PRKN: variants seen among roughly 807,000 people sequenced by gnomAD.
PRKN encodes the protein parkin RBR E3 ubiquitin protein ligase.
In PRKN, 56 loss-of-function variants were observed where a neutral mutation model predicts 59.5. That is an observed-to-expected ratio of 0.94 (90% CI 0.76 to 1.18). The LOEUF (loss-of-function observed/expected upper bound fraction) is 1.18. Ranked by LOEUF, PRKN falls within the 50% of genes most tolerant of loss-of-function variation. The pLI, the probability that PRKN is intolerant of heterozygous loss-of-function variation, is 0.00. For missense variants in PRKN, 657 were observed against 596.4 expected, an observed-to-expected ratio of 1.10 and a Z score of -1.06; for synonymous variants, 250 against 222.1, an observed-to-expected ratio of 1.13 and a Z score of -1.12.
At chr6:162,244,608 T>C (rs910621069) in intron 3 of PRKN, among the ~76,000 whole-genome samples, 1 of 151,982 alleles carries the variant, frequency 6.6e-6, no homozygotes, top group African/African-American at 2.4e-5. Flanking sequence ...CCATGGAAAG[T>C]AGACATCTCT....
intron 1 of PRKN, among the ~76,000 whole-genome samples, chr6:162,476,721 A>G (rs548881657): frequency 1.8e-4 from 28 of 152,278 alleles, no homozygotes; most frequent in African/African-American, 6.0e-4. Context: ...CAGCCACAAG[A>G]GTAACACTGA....
At chr6:162,338,226 T>C (rs954767595) in intron 2 of PRKN, among the ~76,000 whole-genome samples, 7 of 152,010 alleles carry the variant, frequency 4.6e-5, no homozygotes. Context: ...CTAAAAGAAG[T>C]AGTCTCTGAA....
rs538644758 is a variant in PRKN at position 161,556,911 on chromosome 6, T to G, written c.934-7908A>C. Reference sequence around the variant, plus strand: ...GTGTGTAGATATGCTAATATTTACATGTCAAACTATACTGACAGTTTTAAG... The same window carrying G: ...GTGTGTAGATATGCTAATATTTACAGGTCAAACTATACTGACAGTTTTAAG... On this transcript the variant is annotated intron_variant, in intron 8 of 11. Transcript: ENST00000366898. 2.6e-4 allele frequency among the ~76,000 whole-genome samples: 39 copies of G among 152,188 alleles called. No homozygotes were observed. In the South Asian group the frequency reaches 7.9e-3, roughly 31 times the overall value.
intron 6 of PRKN, among the ~76,000 whole-genome samples, chr6:161,877,025 T>G (rs1164260846): frequency 6.6e-6 from 1 of 152,154 alleles, no homozygotes; most frequent in African/African-American, 2.4e-5. Flanking sequence ...GAGCATCAGG[T>G]CCTTTTGATA....
chr6:161,936,663 A>G (rs1779368990), intron 6 of PRKN, among the ~76,000 whole-genome samples: 1 of 152,178 alleles, frequency 6.6e-6, no homozygotes, highest in Non-Finnish European at 1.5e-5. Context: ...CTCCTCCTGC[A>G]CCACGAGAAA....
chr6:162,231,041 A>T (rs1778401274), intron 3 of PRKN, among the ~76,000 whole-genome samples: 1 of 152,224 alleles, frequency 6.6e-6, no homozygotes, highest in African/African-American at 2.4e-5. Flanking sequence ...TTCCATAGAT[A>T]GCTTATCAGC....
intron 2 of PRKN, among the ~76,000 whole-genome samples, chr6:162,322,781 A>T (rs1783085039): frequency 6.6e-6 from 1 of 152,002 alleles, no homozygotes; most frequent in Non-Finnish European, 1.5e-5. Context: ...CATATATAAA[A>T]ATGAACTTGA....
At chr6:162,065,302 C>G (rs772619073) in intron 4 of PRKN, among the ~76,000 whole-genome samples, 17 of 152,106 alleles carry the variant, frequency 1.1e-4, no homozygotes, top group Admixed American at 1.1e-3. Context: ...GGCTGAAGAA[C>G]CTGGAGTCTG....
At chr6:162,184,882 AC>A (rs1315866821) in intron 4 of PRKN, among the ~76,000 whole-genome samples, 1 of 152,168 alleles carries the variant, frequency 6.6e-6, no homozygotes, top group Non-Finnish European at 1.5e-5. Context: ...AATTTTCTCC[AC>A]TTTTTAACAA....
At chr6:162,229,007 G>T (rs1174494495) in intron 3 of PRKN, among the ~76,000 whole-genome samples, 1 of 152,110 alleles carries the variant, frequency 6.6e-6, no homozygotes, top group Non-Finnish European at 1.5e-5. Context: ...CAATCTATGG[G>T]ACCACTTCTG....
At chr6:162,249,099 C>T (rs186781681) in intron 3 of PRKN, among the ~76,000 whole-genome samples, 3 of 152,194 alleles carry the variant, frequency 2.0e-5, no homozygotes, top group East Asian at 1.9e-4. Flanking sequence ...AGGATGGTCT[C>T]GATCTCTTGA....
At chr6:161,824,309 G>A (rs6455776) in intron 6 of PRKN, among the ~76,000 whole-genome samples, 149,390 of 152,350 alleles carry the variant, frequency 0.98, 73,267 homozygotes, top group Middle Eastern at 0.99. Context: ...TAAGTGCAAG[G>A]TGCGATTCTC....
intron 7 of PRKN, among the ~76,000 whole-genome samples, chr6:161,649,990 C>T (rs556085339): frequency 7.2e-5 from 11 of 152,274 alleles, no homozygotes; most frequent in South Asian, 4.1e-4. Context: ...ATGGAAGGGT[C>T]GCTGCAGGTG....
chr6:161,532,141 ACTCTCT>A (rs773618878), intron 9 of PRKN, among the ~76,000 whole-genome samples: 5 of 134,454 alleles, frequency 3.7e-5, no homozygotes, highest in African/African-American at 8.5e-5. Flanking sequence ...TCTGTCTTGC[ACTCTCT>A]CTCTCTCTCT....
intron 1 of PRKN, among the ~76,000 whole-genome samples, chr6:162,510,557 C>T (rs1777558761): frequency 1.3e-5 from 2 of 152,118 alleles, no homozygotes; most frequent in Non-Finnish European, 2.9e-5. Context: ...CCTCCAGGGC[C>T]TATTTATAAT....
At chr6:161,900,928 A>ATATATTTT (rs377615355) in intron 6 of PRKN, among the ~76,000 whole-genome samples, 3 of 143,512 alleles carry the variant, frequency 2.1e-5, no homozygotes, top group African/African-American at 7.7e-5. Context: ...ATATATATAT[A>ATATATTTT]TTTTTTAGAT....
At chr6:161,795,488 C>A (rs1790809650) in intron 6 of PRKN, among the ~76,000 whole-genome samples, 1 of 152,136 alleles carries the variant, frequency 6.6e-6, no homozygotes, top group African/African-American at 2.4e-5. Context: ...CCCGCCTCAG[C>A]CTCCCAGTGC....
chr6:161,563,405 G>C (rs1350058451), intron 8 of PRKN, among the ~76,000 whole-genome samples: 1 of 152,114 alleles, frequency 6.6e-6, no homozygotes, highest in African/African-American at 2.4e-5. Flanking sequence ...AAATGCAATT[G>C]GTTCAAAGGC....
intron 4 of PRKN, among the ~76,000 whole-genome samples, chr6:162,075,459 G>A (rs1005908698): frequency 1.3e-5 from 2 of 151,980 alleles, no homozygotes; most frequent in African/African-American, 2.4e-5. Flanking sequence ...TAACTTGATC[G>A]CCTGCATTTA....
Sources: allele counts gnomAD v4.1 joint callset (sites outside exome capture counted in the v4.1 genomes callset), GRCh38; gene constraint gnomAD v4.1.1; transcripts MANE v1.5; gene names NCBI Gene and HGNC (gene_info 2026-07-23, HGNC 2026-07-21).